UGT1A10: variants seen among roughly 807,000 people sequenced by gnomAD.
UGT1A10 encodes the protein UDP-glucuronosyltransferase 1A10.
In UGT1A10, 49 loss-of-function variants were observed where a neutral mutation model predicts 45.8. The ratio of observed to expected loss-of-function variants is 1.07; its 90% CI spans 0.85 to 1.36. The LOEUF (loss-of-function observed/expected upper bound fraction) is 1.36, where lower values mean the gene tolerates loss of function less well. Ranked by LOEUF, UGT1A10 falls within the 40% of genes most tolerant of loss-of-function variation. The pLI is 0.00. For synonymous variants in UGT1A10, 284 were observed against 249.7 expected, an observed-to-expected ratio of 1.14 and a Z score of -1.29; for missense variants, 745 against 668.6, an observed-to-expected ratio of 1.11 and a Z score of -1.26.
intron 1 of UGT1A10, among the ~76,000 whole-genome samples, chr2:233,765,369 A>G (rs139848699): frequency 2.0e-4 from 30 of 152,382 alleles, no homozygotes; most frequent in African/African-American, 7.0e-4. Flanking sequence ...ATGCCCATCA[A>G]TGGTAGATTG....
intron 1 of UGT1A10, among the ~76,000 whole-genome samples, chr2:233,696,067 T>A (rs1181513813): frequency 6.6e-6 from 1 of 152,174 alleles, no homozygotes; most frequent in Non-Finnish European, 1.5e-5. Flanking sequence ...GTACAGCCAC[T>A]ATGAAGAACA....
chr2:233,721,021 C>T (rs914413376), intron 1 of UGT1A10, among the ~76,000 whole-genome samples: 6 of 152,026 alleles, frequency 3.9e-5, no homozygotes, highest in Non-Finnish European at 8.8e-5. Context: ...AGGGAGCCAT[C>T]TTTCTTGTGA....
chr2:233,645,653 A>G (rs1431592396), intron 1 of UGT1A10, among the ~76,000 whole-genome samples: 2 of 152,112 alleles, frequency 1.3e-5, no homozygotes, highest in South Asian at 2.1e-4. Context: ...CTCCAAAATG[A>G]TCTCCTTTGA....
chr2:233,645,805 C>T (rs1302845559), intron 1 of UGT1A10, among the ~76,000 whole-genome samples: 1 of 152,160 alleles, frequency 6.6e-6, no homozygotes, highest in East Asian at 1.9e-4. Flanking sequence ...GTGGCTTTTC[C>T]AGGTGCACAG....
chr2:233,684,837 T>G (rs2074703951), intron 1 of UGT1A10, among the ~76,000 whole-genome samples: 1 of 152,230 alleles, frequency 6.6e-6, no homozygotes, highest in Non-Finnish European at 1.5e-5. Context: ...GAAAAATTTA[T>G]GGACACTGTA....
chr2:233,768,093 C>G (rs1004945846), intron 3 of UGT1A10, 127 bp from the exon 4 acceptor site: 31 of 1,591,334 alleles, frequency 1.9e-5, no homozygotes, highest in Non-Finnish European at 2.5e-5. Context: ...CCCACATTTT[C>G]TTCTGCAAAT....
In UGT1A10 at chr2:233,743,625, C is replaced by T. The variant is rs201123763; in HGVS notation, c.856-23409C>T. On this transcript the variant is annotated intron_variant, in intron 1 of 4. Coordinates refer to ENST00000344644, the MANE Select transcript of UGT1A10 (RefSeq NM_019075.4). The stretch of plus-strand genomic sequence containing the variant: ...CCGCCGAAGAACTCCCTGAAGACGT[C>T]GGCTGGGTCGCGGAAGCTGAAGACG... The T allele has an allele frequency of 8.8e-5, 121 of 1,367,318 alleles. 1 individual carries two copies. Among genetic ancestry groups the T allele is most frequent in the Non-Finnish European group, 9.0e-5 (92 of 1,021,868 alleles). The allele number at this position is 1,367,318 out of a possible 1,614,324, so 84.7% of individuals were successfully genotyped here.
At chr2:233,732,080 C>A (rs1261829762) in intron 1 of UGT1A10, among the ~76,000 whole-genome samples, 1 of 152,166 alleles carries the variant, frequency 6.6e-6, no homozygotes, top group Non-Finnish European at 1.5e-5. Context: ...GCATAAATGT[C>A]TTCTTTTGAG....
chr2:233,722,194 C>T (rs1259255886), intron 1 of UGT1A10: 3 of 157,146 alleles, frequency 1.9e-5, no homozygotes, highest in African/African-American at 4.8e-5. Flanking sequence ...TGCCAATTTA[C>T]TGAGTGCATG....
At position 233,636,466 on chromosome 2, in the gene UGT1A10, C is replaced by T. The variant is rs2073291938; in HGVS notation, c.-57C>T. ...AGGTTTTGTGCCTGTACTTCTTCCG[C>T]CTACTGTATCATAGCAGCTTAGAAT... On this transcript the variant is annotated 5_prime_UTR_variant, in exon 1 of 5. Coordinates refer to ENST00000344644, the MANE Select transcript of UGT1A10 (RefSeq NM_019075.4). 1.3e-6 allele frequency: 2 copies of T among 1,560,162 alleles called. No individual in the cohort carries two copies. The highest frequency in any genetic ancestry group is 1.9e-5 in the Admixed American group (1 of 53,716).
Position 233,729,749 on chromosome 2 carries a change from T to C in UGT1A10, c.856-37285T>C, listed in dbSNP as rs747302247. On this transcript the variant is annotated intron_variant, in intron 1 of 4. Coordinates refer to ENST00000344644, the MANE Select transcript of UGT1A10 (RefSeq NM_019075.4). ...ACCAATTCAGACCACATGACATTCA[T>C]GCAAAGGGTCAAGAACATGCTCTAC... The C allele has an allele frequency of 6.2e-6, 10 of 1,613,882 alleles. No homozygotes were observed. In the Admixed American group the frequency reaches 8.3e-5, roughly 13 times the overall value.
At chr2:233,722,949 G>C (rs2077051910) in intron 1 of UGT1A10, among the ~76,000 whole-genome samples, 2 of 134,510 alleles carry the variant, frequency 1.5e-5, no homozygotes, top group South Asian at 5.6e-4. Flanking sequence ...AGTGGGCTGA[G>C]GAGGAGGAGG....
chr2:233,690,756 G>C, intron 1 of UGT1A10: 3 of 1,106,918 alleles, frequency 2.7e-6, no homozygotes, highest in South Asian at 1.7e-5. Flanking sequence ...GTCCAGTGCA[G>C]ACATACACAC....
intron 1 of UGT1A10, among the ~76,000 whole-genome samples, chr2:233,732,611 G>A (rs570664429): frequency 1.3e-5 from 2 of 152,306 alleles, no homozygotes; most frequent in East Asian, 3.9e-4. Flanking sequence ...AGATCAAATG[G>A]TTGTAGATGT....
intron 1 of UGT1A10, among the ~76,000 whole-genome samples, chr2:233,658,489 C>G (rs1440365330): frequency 6.6e-5 from 10 of 152,180 alleles, no homozygotes; most frequent in Admixed American, 6.5e-4. Context: ...TGACATTTAG[C>G]CCATCACGCC....
intron 1 of UGT1A10, among the ~76,000 whole-genome samples, chr2:233,724,132 C>T (rs1385895919): frequency 3.1e-4 from 38 of 120,742 alleles, no homozygotes; most frequent in South Asian, 1.8e-3. Flanking sequence ...CCTCACCTCC[C>T]GGACGGGGCG....
intron 1 of UGT1A10, among the ~76,000 whole-genome samples, chr2:233,681,651 G>C (rs975743675): frequency 2.6e-5 from 4 of 151,186 alleles, no homozygotes; most frequent in Non-Finnish European, 5.9e-5. Flanking sequence ...CAAAAGCATT[G>C]CTTAATAATT....
intron 1 of UGT1A10, chr2:233,729,848 G>C: frequency 6.2e-7 from 1 of 1,613,874 alleles, no homozygotes; most frequent in Non-Finnish European, 8.5e-7. Context: ...CTTTTTCAGA[G>C]AGAGGTGTCA....
intron 1 of UGT1A10, chr2:233,729,989 C>T (rs1412952740): frequency 6.2e-7 from 1 of 1,614,050 alleles, no homozygotes; most frequent in Non-Finnish European, 8.5e-7. Flanking sequence ...AAGCCACTAT[C>T]TCAGGTCTGT....
Sources: gnomAD v4.1 joint callset for allele counts (sites outside exome capture counted in the v4.1 genomes callset) on GRCh38, gnomAD v4.1.1 for gene constraint, MANE v1.5 for transcripts, NCBI Gene and HGNC (gene_info 2026-07-23, HGNC 2026-07-21) for gene names.